Variants in SLC39A11 observed in about 807,000 individuals in gnomAD.
SLC39A11 encodes the protein solute carrier family 39 member 11, also known as zinc transporter ZIP11.
In SLC39A11, 33 loss-of-function variants were observed where a neutral mutation model predicts 36.1. That is an observed-to-expected ratio of 0.91 (90% CI 0.69 to 1.22). The LOEUF is 1.22. Among genes scored for constraint, SLC39A11 ranks in the 50% most tolerant of loss-of-function variants. The pLI is 0.00. For missense variants in SLC39A11, 432 were observed against 430.3 expected (o/e 1.00, Z -0.03); for synonymous variants, 166 against 170.3 (o/e 0.97, Z 0.20).
At chr17:73,004,154 A>AGAAAGAAAGAAG (rs2089995798) in intron 4 of SLC39A11, among the ~76,000 whole-genome samples, 1 of 143,924 alleles carries the variant, frequency 6.9e-6, no homozygotes, top group Non-Finnish European at 1.5e-5. Context: ...AAAGAAAGAA[A>AGAAAGAAAGAAG]GAAGGAAAAA....
rs946483982 is a variant in SLC39A11 at position 72,679,972 on chromosome 17, G to C, written c.672-30704C>G. ...CAGGAAAATCACATGAACCTGGGAG[G>C]CAGAGGTTGCAGTGAGCCAAGATCG... On this transcript the variant is annotated intron_variant, in intron 7 of 9. Coordinates refer to ENST00000255559, the MANE Select transcript of SLC39A11 (RefSeq NM_139177.4). 2.8e-5 allele frequency among the ~76,000 whole-genome samples: 4 copies of C among 145,030 alleles called. No individual in the cohort carries two copies. The Admixed American group carries it at 2.9e-4, about 10-fold the overall frequency.
intron 3 of SLC39A11, among the ~76,000 whole-genome samples, chr17:73,062,816 C>A (rs2059888564): frequency 6.6e-6 from 1 of 152,158 alleles, no homozygotes; most frequent in Admixed American, 6.5e-5. Flanking sequence ...CATAAGGAGA[C>A]CGTAACCTAG....
At chr17:72,716,896 G>A (rs546752503) in intron 7 of SLC39A11, among the ~76,000 whole-genome samples, 2 of 150,880 alleles carry the variant, frequency 1.3e-5, no homozygotes, top group South Asian at 2.1e-4. Context: ...TTGAACTCAG[G>A]GGGTGGAGGT....
At chr17:72,720,859 A>G (rs990396161) in intron 7 of SLC39A11, among the ~76,000 whole-genome samples, 1 of 152,204 alleles carries the variant, frequency 6.6e-6, no homozygotes, top group East Asian at 1.9e-4. Flanking sequence ...ATGGTCTTAT[A>G]TAGCATCAAT....
At chr17:73,013,602 C>T (rs1033205608) in intron 4 of SLC39A11, among the ~76,000 whole-genome samples, 2 of 152,206 alleles carry the variant, frequency 1.3e-5, no homozygotes, top group South Asian at 2.1e-4. Context: ...GTTCAACCCA[C>T]GGCCCACGGG....
At chr17:72,720,912 G>C (rs1252222788) in intron 7 of SLC39A11, among the ~76,000 whole-genome samples, 3 of 151,922 alleles carry the variant, frequency 2.0e-5, no homozygotes, top group African/African-American at 7.3e-5. Flanking sequence ...AGGTATGAGG[G>C]GGTCTGCAGT....
intron 4 of SLC39A11, among the ~76,000 whole-genome samples, chr17:72,952,306 G>C (rs2085919434): frequency 6.6e-6 from 1 of 152,180 alleles, no homozygotes; most frequent in African/African-American, 2.4e-5. Context: ...ATTATTGATA[G>C]GGAAGAGGAA....
intron 3 of SLC39A11, among the ~76,000 whole-genome samples, chr17:73,047,500 A>G (rs1176863407): frequency 6.6e-6 from 1 of 152,144 alleles, no homozygotes; most frequent in East Asian, 1.9e-4. Context: ...ATTTACATAC[A>G]GAGAAACTTT....
chr17:72,996,868 G>A (rs1034249945), intron 4 of SLC39A11, among the ~76,000 whole-genome samples: 1 of 152,128 alleles, frequency 6.6e-6, no homozygotes, highest in African/African-American at 2.4e-5. Context: ...GTATCCATGG[G>A]TCGGTTCTGT....
At chr17:72,867,115 G>T (rs756578266) in intron 5 of SLC39A11, among the ~76,000 whole-genome samples, 1 of 152,200 alleles carries the variant, frequency 6.6e-6, no homozygotes, top group Admixed American at 6.5e-5. Flanking sequence ...TAACATTAAA[G>T]CATTCTAAGG....
At chr17:72,850,905 T>G (rs999680179) in intron 5 of SLC39A11, among the ~76,000 whole-genome samples, 2 of 152,136 alleles carry the variant, frequency 1.3e-5, no homozygotes, top group Non-Finnish European at 2.9e-5. Context: ...TGGGAACCAA[T>G]TCAGACGCCT....
chr17:73,014,629 C>T (rs1242409808), intron 4 of SLC39A11, among the ~76,000 whole-genome samples: 1 of 152,242 alleles, frequency 6.6e-6, no homozygotes, highest in African/African-American at 2.4e-5. Context: ...TGCACTCCAA[C>T]TTGGGTGACA....
intron 7 of SLC39A11, among the ~76,000 whole-genome samples, chr17:72,732,372 A>C (rs955408761): frequency 6.6e-6 from 1 of 152,084 alleles, no homozygotes; most frequent in African/African-American, 2.4e-5. Flanking sequence ...CACTATATTC[A>C]GTGTATTCAG....
intron 7 of SLC39A11, among the ~76,000 whole-genome samples, chr17:72,678,470 G>T (rs988775145): frequency 6.6e-6 from 1 of 152,132 alleles, no homozygotes; most frequent in Non-Finnish European, 1.5e-5. Context: ...ACTTTGGGAG[G>T]CCGAGGCGGG....
chr17:72,655,418 C>CA (rs1236553927), intron 7 of SLC39A11, among the ~76,000 whole-genome samples: 1 of 152,258 alleles, frequency 6.6e-6, no homozygotes, highest in East Asian at 1.9e-4. Context: ...ATGCCAGTCA[C>CA]AGGGAGCACC....
At chr17:73,043,329 G>A (rs1015318088) in intron 3 of SLC39A11, among the ~76,000 whole-genome samples, 3 of 152,138 alleles carry the variant, frequency 2.0e-5, no homozygotes, top group Non-Finnish European at 2.9e-5. Flanking sequence ...TGGGTATAAT[G>A]ATGAAACCAG....
intron 6 of SLC39A11, among the ~76,000 whole-genome samples, chr17:72,776,743 TC>T (rs2076149363): frequency 6.6e-6 from 1 of 151,930 alleles, no homozygotes; most frequent in South Asian, 2.1e-4. Flanking sequence ...TCTGATTTCA[TC>T]CTCACAACAG....
In SLC39A11 at chr17:72,849,739, G is replaced by T; in HGVS notation, c.496C>A (p.Pro166Thr). The T allele has an allele frequency of 6.2e-7, 1 of 1,609,706 alleles. No homozygotes were observed. The highest frequency in any genetic ancestry group is 8.5e-7 in the Non-Finnish European group (1 of 1,178,626). ...CCTCGAGAAGGCACAGGGACAGCAG[G>T]ACCCTCTGGAAGGCCAGTGGCTGCC... ...KAAATGLPEGPAVPVPSRGNL... is the reference protein window; with the variant it reads ...KAAATGLPEGTAVPVPSRGNL... Residue 166 changes from proline (P) to threonine (T), a missense_variant, in exon 6 of 10, where the codon CCT (proline) becomes ACT (threonine). Transcript: ENST00000255559.
At chr17:72,786,327 CCAGA>C (rs2076514009) in intron 6 of SLC39A11, among the ~76,000 whole-genome samples, 1 of 152,302 alleles carries the variant, frequency 6.6e-6, no homozygotes, top group Non-Finnish European at 1.5e-5. Context: ...GCTGGCACTT[CCAGA>C]CAATTAACCC....
Sources: gnomAD v4.1 joint callset for allele counts (sites outside exome capture counted in the v4.1 genomes callset) on GRCh38, gnomAD v4.1.1 for gene constraint, MANE v1.5 for transcripts, NCBI Gene and HGNC (gene_info 2026-07-23, HGNC 2026-07-21) for gene names.